The following CSTF2 variants were observed in gnomAD, a reference collection of about 807,000 sequenced individuals.
CSTF2 encodes the protein cleavage stimulation factor subunit 2, also known as CF-1 64 kDa subunit.
In CSTF2, 8 loss-of-function variants were observed where a neutral mutation model predicts 45.4. That is an observed-to-expected ratio of 0.18 (90% CI 0.10 to 0.32). CSTF2 has a LOEUF of 0.32. CSTF2 is among the 10% of genes least tolerant of loss of function. The probability of loss-of-function intolerance (pLI) is 1.00; values close to 1 mark genes in which losing one functional copy is unlikely to be tolerated. For synonymous variants in CSTF2, 155 were observed against 158.9 expected, an observed-to-expected ratio of 0.98 and a Z score of 0.18; for missense variants, 253 against 477.1, an observed-to-expected ratio of 0.53 and a Z score of 4.38.
intron 1 of CSTF2, among the ~76,000 whole-genome samples, chrX:100,820,849 T>G (rs143248017): frequency 0.036 from 4,058 of 111,995 alleles, 207 homozygotes; most frequent in African/African-American, 0.13. Context: ...GTCCACTTAC[T>G]GTCCTCTCCT....
intron 8 of CSTF2, among the ~76,000 whole-genome samples, 188 bp from the exon 9 acceptor site, chrX:100,831,327 A>G (rs1252917566): frequency 1.8e-5 from 2 of 112,119 alleles, no homozygotes; most frequent in Non-Finnish European, 3.8e-5. Flanking sequence ...AATTCCATCC[A>G]TACCTCTGAC....
At chrX:100,838,718 TC>T (rs1278442460) in intron 13 of CSTF2, among the ~76,000 whole-genome samples, 1 of 112,061 alleles carries the variant, frequency 8.9e-6, no homozygotes, top group Non-Finnish European at 1.9e-5. Context: ...CCTTCTACAA[TC>T]AATTGTATTA....
intron 9 of CSTF2, among the ~76,000 whole-genome samples, chrX:100,832,505 C>A (rs1854348940): frequency 8.9e-6 from 1 of 112,297 alleles, no homozygotes; most frequent in African/African-American, 3.2e-5. Context: ...CAAACTCATA[C>A]ATATAATGAA....
At chrX:100,833,768 C>T (rs771325195) in intron 11 of CSTF2, among the ~76,000 whole-genome samples, 1 of 111,822 alleles carries the variant, frequency 8.9e-6, no homozygotes, top group Non-Finnish European at 1.9e-5. Flanking sequence ...AAACCAACAT[C>T]ATGTACACGG....
chrX:100,824,221 C>T lies in CSTF2; in HGVS notation c.666C>T (p.Asn222=), dbSNP rs780081588. The change falls in exon 6 of 14, where the codon AAC becomes AAT. Residue 222 remains asparagine (N), a synonymous_variant. Coordinates refer to ENST00000372972, the MANE Select transcript of CSTF2 (RefSeq NM_001325.3). The stretch of plus-strand genomic sequence containing the variant: ...GCTCAGGATCCAATGTGTCAATGAA[C>T]CAGCAGAATCCTCAGGCCCCTCAGG... ...GPGSGSNVSM[N]QQNPQAPQAQ... is the part of the protein sequence containing the mutation. The T allele has an allele frequency of 1.1e-5, 13 of 1,209,996 alleles. No homozygotes were observed. In the Middle Eastern group the frequency reaches 6.9e-4, roughly 64 times the overall value.
At chrX:100,825,056 C>T (rs907662185) in intron 6 of CSTF2, among the ~76,000 whole-genome samples, 1 of 112,132 alleles carries the variant, frequency 8.9e-6, no homozygotes, top group Non-Finnish European at 1.9e-5. Flanking sequence ...GATGCATTCC[C>T]GAAATGTAGG....
intron 8 of CSTF2, among the ~76,000 whole-genome samples, chrX:100,830,343 C>T (rs1479655315): frequency 8.9e-6 from 1 of 112,265 alleles, no homozygotes; most frequent in Non-Finnish European, 1.9e-5. Context: ...ATAGAATTGC[C>T]GTACTTCAGT....
chrX:100,837,128 T>G (rs2085013329), intron 11 of CSTF2, among the ~76,000 whole-genome samples: 1 of 112,258 alleles, frequency 8.9e-6, no homozygotes, highest in Non-Finnish European at 1.9e-5. Flanking sequence ...GCTGGAGGTG[T>G]TGTAAGCAAG....
At chrX:100,836,319 C>CATA (rs1313511730) in intron 11 of CSTF2, among the ~76,000 whole-genome samples, 1 of 112,287 alleles carries the variant, frequency 8.9e-6, no homozygotes, top group East Asian at 2.8e-4. Flanking sequence ...TGAATAGATT[C>CATA]ATTATTGTCT....
chrX:100,825,351 G>A, intron 6 of CSTF2, among the ~76,000 whole-genome samples: 2 of 110,591 alleles, frequency 1.8e-5, no homozygotes, highest in South Asian at 7.7e-4. Context: ...AAATTAGTAA[G>A]AAAATTTCCA....
chrX:100,825,872 A>T (rs1329134395), intron 6 of CSTF2, among the ~76,000 whole-genome samples: 1 of 112,087 alleles, frequency 8.9e-6, no homozygotes, highest in African/African-American at 3.2e-5. Context: ...TAAGTGGCAG[A>T]TCTATTTCTG....
chrX:100,834,668 T>G (rs2084997098), intron 11 of CSTF2, among the ~76,000 whole-genome samples: 1 of 112,472 alleles, frequency 8.9e-6, no homozygotes, highest in Non-Finnish European at 1.9e-5. Context: ...TTTTATGCAT[T>G]CATTCTGTCA....
rs987286889 is a variant in CSTF2, at chrX:100,822,512, A to C, written c.307+92A>C. ...TCTGATATGTTTTAGAATATGCTGA[A>C]ATGGTTAGCCACGCAGCTTGTTTAT... On this transcript the variant is annotated intron_variant, in intron 3 of 13. Coordinates refer to ENST00000372972, the MANE Select transcript of CSTF2 (RefSeq NM_001325.3). 1.2e-4 allele frequency: 112 copies of C among 930,912 alleles called. No homozygotes were observed. The African/African-American group carries it at 1.9e-3, about 15-fold the overall frequency. 76.7% of individuals were successfully genotyped at this position (930,912 alleles called of 1,213,427 possible). A position where few individuals can be genotyped will look rare whatever the true frequency, so the allele number is the denominator to read the frequency against.
At chrX:100,838,449 TTC>T (rs1249913076) in intron 13 of CSTF2, 85 bp downstream of exon 13, 1 of 944,201 alleles carries the variant, frequency 1.1e-6, no homozygotes, top group East Asian at 3.5e-5. Context: ...AACAAGATTG[TTC>T]TCTCAGCGGC....
At chrX:100,831,070 T>C (rs2084972791) in intron 8 of CSTF2, among the ~76,000 whole-genome samples, 1 of 111,504 alleles carries the variant, frequency 9.0e-6, no homozygotes, top group Non-Finnish European at 1.9e-5. Context: ...ATGGATGATA[T>C]GGGCATCTGT....
intron 13 of CSTF2, among the ~76,000 whole-genome samples, chrX:100,840,203 AT>A (rs1464817863): frequency 1.8e-5 from 2 of 112,033 alleles, no homozygotes; most frequent in African/African-American, 6.5e-5. Flanking sequence ...TGTGCATACC[AT>A]GGCTAAAGTG....
intron 9 of CSTF2, among the ~76,000 whole-genome samples, chrX:100,832,476 G>A (rs975036798): frequency 8.9e-6 from 1 of 112,186 alleles, no homozygotes; most frequent in African/African-American, 3.2e-5. Context: ...CAGAGCTCAT[G>A]TTCTTATGCA....
At chrX:100,838,406 G>C (rs768698797) in intron 13 of CSTF2, 42 bp downstream of exon 13, 1 of 1,138,894 alleles carries the variant, frequency 8.8e-7, no homozygotes, top group South Asian at 2.2e-5. Flanking sequence ...CTAGCTCCTT[G>C]TCTATTCTGG....
chrX:100,838,455 C>T (rs2085022158), intron 13 of CSTF2, 91 bp downstream of exon 13: 1 of 892,086 alleles, frequency 1.1e-6, no homozygotes, highest in Non-Finnish European at 1.5e-6. Flanking sequence ...ATTGTTCTCT[C>T]AGCGGCCCTC....
Sources: gnomAD v4.1 joint callset for allele counts (sites outside exome capture counted in the v4.1 genomes callset) on GRCh38, gnomAD v4.1.1 for gene constraint, MANE v1.5 for transcripts, NCBI Gene and HGNC (gene_info 2026-07-23, HGNC 2026-07-21) for gene names.